Variants in SNX29 observed in about 807,000 individuals in gnomAD.
SNX29 encodes the protein sorting nexin 29.
In SNX29, 78 loss-of-function variants were observed where a neutral mutation model predicts 102.1. The observed-to-expected ratio is 0.76, with a 90% CI of 0.64 to 0.92. The LOEUF (loss-of-function observed/expected upper bound fraction) is 0.92. Among genes scored for constraint, SNX29 ranks in the 40% least tolerant of loss-of-function variants. SNX29 has a pLI of 0.00. For synonymous variants in SNX29, 580 were observed against 414.5 expected, an observed-to-expected ratio of 1.40 and a Z score of -4.85; for missense variants, 1,280 against 1,061.7, an observed-to-expected ratio of 1.21 and a Z score of -2.86.
chr16:12,414,455 A>C (rs2151559208), intron 18 of SNX29, among the ~76,000 whole-genome samples: 1 of 152,270 alleles, frequency 6.6e-6, no homozygotes, highest in East Asian at 1.9e-4. Context: ...CTTAAGTGGG[A>C]CCTTCTAAGT....
At chr16:12,375,152 G>A (rs1473795814) in intron 16 of SNX29, 3 of 152,300 alleles carry the variant, frequency 2.0e-5, no homozygotes, top group African/African-American at 7.2e-5. Flanking sequence ...ATGCACCGGG[G>A]TTTGGGGAAC....
rs374651159 is a variant in SNX29 at position 12,393,392 on chromosome 16, TCATGCATG to T, written c.1900-5038_1900-5031del. On this transcript the variant is annotated intron_variant, in intron 16 of 20. Transcript: ENST00000566228. ...ATAGCATATCTTATGATTCATTCAT[TCATGCATG>T]CATGCATGCATGCATTCATTCATTC... 1.6e-3 allele frequency among the ~76,000 whole-genome samples: 226 copies of T among 142,012 alleles called. 2 individuals carry two copies. The highest frequency in any genetic ancestry group is 2.1e-3 in the Non-Finnish European group (137 of 63,842). 93.2% of individuals were successfully genotyped at this position (142,012 alleles called of 152,430 possible). A position where few individuals can be genotyped will look rare whatever the true frequency, so the allele number is the denominator to read the frequency against.
At chr16:12,104,952 C>T (rs1400268891) in intron 11 of SNX29, among the ~76,000 whole-genome samples, 2 of 152,196 alleles carry the variant, frequency 1.3e-5, no homozygotes, top group African/African-American at 4.8e-5. Context: ...CTGGGAATGG[C>T]GGTGTGATTT....
At chr16:12,392,627 T>G (rs565616667) in intron 16 of SNX29, among the ~76,000 whole-genome samples, 1 of 152,336 alleles carries the variant, frequency 6.6e-6, no homozygotes, top group Non-Finnish European at 1.5e-5. Context: ...AGAAGTGTGA[T>G]AGTCTATGTT....
intron 16 of SNX29, among the ~76,000 whole-genome samples, chr16:12,396,091 C>T (rs1388013285): frequency 6.6e-6 from 1 of 152,186 alleles, no homozygotes; most frequent in Non-Finnish European, 1.5e-5. Context: ...AGAAAAGCCT[C>T]TAAGTCAGAA....
At chr16:12,298,258 G>A (rs188001226) in intron 15 of SNX29, among the ~76,000 whole-genome samples, 57 of 152,296 alleles carry the variant, frequency 3.7e-4, no homozygotes, top group African/African-American at 1.3e-3. Flanking sequence ...ACTGAGCAAT[G>A]CAATTCATAA....
At chr16:12,199,465 T>A in intron 13 of SNX29, 136 bp from the exon 14 acceptor site, 1 of 663,690 alleles carries the variant, frequency 1.5e-6, no homozygotes. Context: ...ATCTAAACCA[T>A]GAGAATATAT....
At chr16:12,347,825 C>G (rs1273984986) in intron 15 of SNX29, among the ~76,000 whole-genome samples, 1 of 151,114 alleles carries the variant, frequency 6.6e-6, no homozygotes, top group Non-Finnish European at 1.5e-5. Flanking sequence ...TGCCTATAAT[C>G]GTAGCACTTC....
chr16:12,161,410 G>A (rs558241177), intron 13 of SNX29, among the ~76,000 whole-genome samples: 1 of 152,292 alleles, frequency 6.6e-6, no homozygotes, highest in East Asian at 1.9e-4. Context: ...TGAGGCTGGG[G>A]CAGTTACTCT....
intron 20 of SNX29, among the ~76,000 whole-genome samples, chr16:12,554,615 C>T (rs764046312): frequency 2.0e-5 from 3 of 152,198 alleles, no homozygotes; most frequent in South Asian, 2.1e-4. Context: ...AGCTCACTCA[C>T]ACATACCTGC....
intron 20 of SNX29, among the ~76,000 whole-genome samples, chr16:12,558,237 C>CG (rs1567197322): frequency 5.3e-5 from 4 of 76,136 alleles, no homozygotes; most frequent in Non-Finnish European, 1.5e-4. Flanking sequence ...TTCAGCCCCC[C>CG]CAGTAGATGG....
chr16:12,006,060 C>T (rs1488851104), intron 3 of SNX29, among the ~76,000 whole-genome samples: 6 of 152,052 alleles, frequency 3.9e-5, no homozygotes, highest in Admixed American at 3.3e-4. Context: ...AATAATAGGC[C>T]AGGCGCTGTG....
chr16:12,531,050 G>C (rs533434330), intron 20 of SNX29, among the ~76,000 whole-genome samples: 1 of 152,240 alleles, frequency 6.6e-6, no homozygotes, highest in Non-Finnish European at 1.5e-5. Context: ...CAGGCTTGAT[G>C]TGTAGAAGCC....
At chr16:12,461,978 AATATATATATATATATATAT>A (rs71139595) in intron 18 of SNX29, among the ~76,000 whole-genome samples, 5 of 27,352 alleles carry the variant, frequency 1.8e-4, no homozygotes, top group Non-Finnish European at 3.1e-4. Flanking sequence ...AAAAAAAAAA[AATATATATATATATATATAT>A]ATATATATAT....
At chr16:12,376,135 CAG>C (rs1334880139) in intron 16 of SNX29, 3 of 151,908 alleles carry the variant, frequency 2.0e-5, no homozygotes, top group African/African-American at 7.3e-5. Flanking sequence ...AAGCCACACT[CAG>C]GGGATTACCC....
At chr16:12,167,416 T>A (rs915539914) in intron 13 of SNX29, among the ~76,000 whole-genome samples, 3 of 152,136 alleles carry the variant, frequency 2.0e-5, no homozygotes, top group African/African-American at 7.2e-5. Context: ...GCTCTTGATA[T>A]TTCTTGTTCC....
chr16:12,003,072 C>T (rs761764601), intron 3 of SNX29, 29 bp downstream of exon 3: 3 of 1,613,322 alleles, frequency 1.9e-6, no homozygotes, highest in South Asian at 2.2e-5. Flanking sequence ...AAACCGTTGA[C>T]CATCGAGGTT....
intron 8 of SNX29, chr16:12,052,990 C>T (rs934408666): frequency 6.6e-6 from 1 of 152,462 alleles, no homozygotes; most frequent in Non-Finnish European, 1.5e-5. Flanking sequence ...CCTGCACCTG[C>T]TGCCTTAACA....
At chr16:12,066,050 G>T (rs2151288759) in intron 9 of SNX29, among the ~76,000 whole-genome samples, 1 of 152,278 alleles carries the variant, frequency 6.6e-6, no homozygotes, top group African/African-American at 2.4e-5. Flanking sequence ...ATCGTGAAGG[G>T]GCCCGTGGGC....
Sources: allele counts gnomAD v4.1 joint callset (sites outside exome capture counted in the v4.1 genomes callset), GRCh38; gene constraint gnomAD v4.1.1; transcripts MANE v1.5; gene names NCBI Gene and HGNC (gene_info 2026-07-23, HGNC 2026-07-21).